SYT14: variants seen among roughly 807,000 people sequenced by gnomAD.
The protein encoded by SYT14 is synaptotagmin 14.
SYT14 carries 32 observed loss-of-function variants against 74.2 expected under a neutral mutation model. The observed-to-expected ratio is 0.43, with a 90% CI of 0.33 to 0.58. The LOEUF (loss-of-function observed/expected upper bound fraction) is 0.58. Among genes scored for constraint, SYT14 ranks in the 20% least tolerant of loss-of-function variants. SYT14 has a pLI of 0.05. For missense variants in SYT14, 791 were observed against 981.8 expected, an observed-to-expected ratio of 0.81 and a Z score of 2.60; for synonymous variants, 298 against 337.7, an observed-to-expected ratio of 0.88 and a Z score of 1.29.
chr1:210,063,868 A>T (rs1425673509), intron 5 of SYT14, among the ~76,000 whole-genome samples: 1 of 151,468 alleles, frequency 6.6e-6, no homozygotes, highest in Non-Finnish European at 1.5e-5. Flanking sequence ...TCTAATCTTA[A>T]TTTTTTTTAG....
chr1:210,002,819 A>G (rs897481790), intron 2 of SYT14, among the ~76,000 whole-genome samples: 5 of 151,980 alleles, frequency 3.3e-5, no homozygotes, highest in African/African-American at 1.2e-4. Flanking sequence ...CACATTTTTT[A>G]TGTATTTAGA....
At chr1:210,118,205 T>C (rs2082395108) in intron 7 of SYT14, among the ~76,000 whole-genome samples, 1 of 152,194 alleles carries the variant, frequency 6.6e-6, no homozygotes, top group Non-Finnish European at 1.5e-5. Context: ...GCATATTCTG[T>C]AGTTAAGTAT....
At chr1:210,063,692 A>G (rs1201159472) in intron 5 of SYT14, among the ~76,000 whole-genome samples, 1 of 151,808 alleles carries the variant, frequency 6.6e-6, no homozygotes, top group Non-Finnish European at 1.5e-5. Context: ...GAGGCCAGAT[A>G]CTTCTCTTAT....
At chr1:210,073,265 A>G (rs905600847) in intron 5 of SYT14, among the ~76,000 whole-genome samples, 6 of 152,150 alleles carry the variant, frequency 3.9e-5, no homozygotes, top group African/African-American at 1.4e-4. Flanking sequence ...ATAAGGAGGT[A>G]TTCTTACTGT....
At chr1:210,041,951 G>A (rs1170020256) in intron 5 of SYT14, among the ~76,000 whole-genome samples, 1 of 152,024 alleles carries the variant, frequency 6.6e-6, no homozygotes, top group Non-Finnish European at 1.5e-5. Context: ...CTCTGCTCTG[G>A]GTTTTATATC....
At chr1:209,945,867 T>C (rs1017272944) in intron 1 of SYT14, among the ~76,000 whole-genome samples, 1 of 152,246 alleles carries the variant, frequency 6.6e-6, no homozygotes, top group Admixed American at 6.5e-5. Flanking sequence ...TTGCATTTTT[T>C]ACAAATTGAA....
intron 2 of SYT14, among the ~76,000 whole-genome samples, chr1:209,973,926 C>T (rs2079307484): frequency 6.6e-6 from 1 of 152,138 alleles, no homozygotes; most frequent in South Asian, 2.1e-4. Context: ...GATGGTATCT[C>T]ATTGTGGTTT....
intron 5 of SYT14, among the ~76,000 whole-genome samples, chr1:210,054,743 C>G (rs2081065342): frequency 6.6e-6 from 1 of 152,128 alleles, no homozygotes; most frequent in Non-Finnish European, 1.5e-5. Context: ...GAATAATCCT[C>G]CATTATCCTC....
intron 2 of SYT14, among the ~76,000 whole-genome samples, chr1:209,990,549 G>GTATATA: frequency 1.8e-5 from 1 of 56,892 alleles, no homozygotes; most frequent in Non-Finnish European, 4.7e-5. Context: ...GTATATATAT[G>GTATATA]TATATATATA....
At chr1:209,970,995 A>G (rs569063027) in intron 2 of SYT14, among the ~76,000 whole-genome samples, 54 of 152,046 alleles carry the variant, frequency 3.6e-4, no homozygotes, top group African/African-American at 1.2e-3. Context: ...TGGCCATTTT[A>G]ATGATACTTA....
intron 5 of SYT14, among the ~76,000 whole-genome samples, chr1:210,030,660 C>T (rs846557): frequency 0.57 from 86,608 of 151,912 alleles, 26,823 homozygotes; most frequent in African/African-American, 0.82. Context: ...CTTGGCTTTT[C>T]CTTGATCTTA....
chr1:210,130,272 T>G (rs2082647163), intron 7 of SYT14, among the ~76,000 whole-genome samples: 1 of 152,154 alleles, frequency 6.6e-6, no homozygotes, highest in Non-Finnish European at 1.5e-5. Flanking sequence ...ATTATTTCTC[T>G]CCTTGATTCA....
intron 7 of SYT14, among the ~76,000 whole-genome samples, chr1:210,149,695 C>T (rs2083120583): frequency 6.6e-6 from 1 of 152,280 alleles, no homozygotes; most frequent in Middle Eastern, 3.4e-3. Flanking sequence ...CTCTTCCTTT[C>T]CTAACCTGAA....
At chr1:209,942,815 CTT>C (rs1056264706) in intron 1 of SYT14, among the ~76,000 whole-genome samples, 25 of 152,078 alleles carry the variant, frequency 1.6e-4, no homozygotes, top group African/African-American at 6.0e-4. Context: ...AAAATAAACA[CTT>C]GTTACGTTGC....
intron 5 of SYT14, among the ~76,000 whole-genome samples, chr1:210,060,899 A>G (rs887257681): frequency 3.3e-5 from 5 of 152,074 alleles, no homozygotes; most frequent in Admixed American, 3.3e-4. Flanking sequence ...AGCGTTATCT[A>G]TAAACTCCTA....
chr1:209,948,008 C>T (rs1558086090), intron 1 of SYT14, among the ~76,000 whole-genome samples: 1 of 152,120 alleles, frequency 6.6e-6, no homozygotes, highest in Non-Finnish European at 1.5e-5. Flanking sequence ...TAAGATCATA[C>T]ATTTTTTAAG....
At chr1:210,061,723 A>G (rs1258369415) in intron 5 of SYT14, among the ~76,000 whole-genome samples, 3 of 151,936 alleles carry the variant, frequency 2.0e-5, no homozygotes, top group Non-Finnish European at 2.9e-5. Flanking sequence ...AACTTTACTG[A>G]TACAAAAATA....
chr1:210,126,675 G>C (rs1014978754), intron 7 of SYT14, among the ~76,000 whole-genome samples: 10 of 152,294 alleles, frequency 6.6e-5, no homozygotes, highest in African/African-American at 2.2e-4. Context: ...ATCCAGAAAT[G>C]AGAACTAAAA....
chr1:210,089,798 A>C (rs2743897), intron 5 of SYT14, among the ~76,000 whole-genome samples: 11 of 152,254 alleles, frequency 7.2e-5, no homozygotes. Flanking sequence ...GACAAAATGC[A>C]TGAACAAAGC....
Sources: gnomAD v4.1 joint callset for allele counts (sites outside exome capture counted in the v4.1 genomes callset) on GRCh38, gnomAD v4.1.1 for gene constraint, MANE v1.5 for transcripts, NCBI Gene and HGNC (gene_info 2026-07-23, HGNC 2026-07-21) for gene names.